Variants in SPSB4 observed in about 807,000 individuals in gnomAD.
SPSB4 encodes the protein splA/ryanodine receptor domain and SOCS box containing 4.
In SPSB4, 21 loss-of-function variants were observed where a neutral mutation model predicts 20.9. The ratio of observed to expected loss-of-function variants is 1.01; its 90% CI spans 0.71 to 1.45. The LOEUF (loss-of-function observed/expected upper bound fraction) is 1.45, where lower values mean the gene tolerates loss of function less well. Ranked by LOEUF, SPSB4 falls within the 40% of genes most tolerant of loss-of-function variation. The pLI is 0.00. For missense variants in SPSB4, 399 were observed against 399.2 expected, an observed-to-expected ratio of 1.00 and a Z score of 0.00; for synonymous variants, 207 against 183.8, an observed-to-expected ratio of 1.13 and a Z score of -1.02.
At chr3:141,101,993 G>A (rs73871717) in intron 2 of SPSB4, among the ~76,000 whole-genome samples, 1,633 of 152,280 alleles carry the variant, frequency 0.011, 33 homozygotes, top group African/African-American at 0.037. Flanking sequence ...CCCACATTTC[G>A]TGCCTTTCCA....
At chr3:141,137,430 C>G (rs943682710) in intron 2 of SPSB4, among the ~76,000 whole-genome samples, 2 of 152,152 alleles carry the variant, frequency 1.3e-5, no homozygotes, top group African/African-American at 4.8e-5. Flanking sequence ...AAAGGGAATG[C>G]TTCCAGTTTT....
chr3:141,140,682 T>A (rs1488966504), intron 2 of SPSB4, among the ~76,000 whole-genome samples: 1 of 152,188 alleles, frequency 6.6e-6, no homozygotes, highest in Non-Finnish European at 1.5e-5. Context: ...GCCTGATTGT[T>A]CCTTGGGAAG....
At chr3:141,091,842 C>A (rs939210820) in intron 2 of SPSB4, among the ~76,000 whole-genome samples, 4 of 152,066 alleles carry the variant, frequency 2.6e-5, no homozygotes, top group African/African-American at 9.7e-5. Context: ...AGGCTGCAAC[C>A]TACAGAGGTG....
intron 1 of SPSB4, among the ~76,000 whole-genome samples, chr3:141,058,603 GA>G (rs1431076178): frequency 1.3e-5 from 2 of 152,154 alleles, no homozygotes; most frequent in Non-Finnish European, 2.9e-5. Flanking sequence ...GAGGAGAGGA[GA>G]AATGTGCTAA....
chr3:141,118,313 T>C (rs541470676), intron 2 of SPSB4, among the ~76,000 whole-genome samples: 7 of 152,382 alleles, frequency 4.6e-5, no homozygotes, highest in Admixed American at 1.3e-4. Context: ...TGTCTCTTTA[T>C]AGCCTTTGCC....
At chr3:141,083,926 C>CAGGG (rs1355320797) in intron 2 of SPSB4, among the ~76,000 whole-genome samples, 1 of 152,058 alleles carries the variant, frequency 6.6e-6, no homozygotes, top group Non-Finnish European at 1.5e-5. Context: ...GGAGGCCCTG[C>CAGGG]AGGGTAGAGG....
At chr3:141,113,087 G>C (rs1477568134) in intron 2 of SPSB4, among the ~76,000 whole-genome samples, 1 of 152,174 alleles carries the variant, frequency 6.6e-6, no homozygotes, top group African/African-American at 2.4e-5. Context: ...CCAAACCACA[G>C]TGAGATGCCA....
At chr3:141,135,361 T>G (rs1456080687) in intron 2 of SPSB4, among the ~76,000 whole-genome samples, 3 of 151,450 alleles carry the variant, frequency 2.0e-5, no homozygotes, top group Non-Finnish European at 4.4e-5. Context: ...TTATTATTAT[T>G]ATACCTTAAG....
Position 141,066,374 on chromosome 3 carries a change from G to C in SPSB4, c.270G>C (p.Lys90Asn). 1 of 1,551,130 alleles carries C rather than the reference G, an allele frequency of 6.4e-7. No homozygotes were observed. The highest frequency in any genetic ancestry group is 8.7e-7 in the Non-Finnish European group (1 of 1,149,592). ...AGAGCACCGACGGCATCCGCGGCAA[G>C]GTGGGCCACGCCCGCGGCCTGCACG... is the stretch of plus-strand genomic sequence containing the variant. ...VAQSTDGIRG[K>N]VGHARGLHAW... Residue 90 changes from lysine (K) to asparagine (N), a missense_variant, in exon 2 of 3, where the codon AAG becomes AAC. Physicochemically the swap from Lys to Asn is moderately conservative, Grantham distance 94 (BLOSUM62 0). Coordinates refer to ENST00000310546, the MANE Select transcript of SPSB4 (RefSeq NM_080862.3).
chr3:141,066,752 G>T lies in SPSB4; in HGVS notation c.648G>T (p.Val216=), dbSNP rs756963555. The T allele has an allele frequency of 5.0e-6, 8 of 1,591,662 alleles. No individual in the cohort carries two copies. The highest frequency in any genetic ancestry group is 6.9e-6 in the Non-Finnish European group (8 of 1,167,774). The change falls in exon 2 of 3, where the codon GTG becomes GTT. Residue 216 remains valine (V), a synonymous_variant. Coordinates refer to ENST00000310546, the MANE Select transcript of SPSB4 (RefSeq NM_080862.3). ...GKKLYPVVSA[V]WGHCEVTMRY... ...AGCTGTACCCGGTGGTGAGTGCCGT[G>T]TGGGGCCACTGTGAAGTCACCATGC...
chr3:141,066,183 CG>C lies in SPSB4; in HGVS notation c.83del (p.Gly28ValfsTer87). On this transcript the variant is annotated frameshift_variant, in exon 2 of 3. Coordinates refer to ENST00000310546, the MANE Select transcript of SPSB4 (RefSeq NM_080862.3). LOFTEE classifies it high-confidence loss of function. ...GCTGCGGCCGGCCAAGCGGGAGCTG[CG>C]GGGTGCAGAGCCCGGGCGGCCGGCG... The part of the protein sequence containing the change: ...PALRPAKREL[R>X]GAEPGRPARL... 4 of 1,533,200 alleles carry C rather than the reference CG, an allele frequency of 2.6e-6. No homozygotes were observed. Among genetic ancestry groups the C allele is most frequent in the Non-Finnish European group, 3.5e-6 (4 of 1,141,908 alleles). 95.0% of individuals were successfully genotyped at this position (1,533,200 alleles called of 1,614,324 possible). A position where few individuals can be genotyped will look rare whatever the true frequency, so the allele number is the denominator to read the frequency against.
At chr3:141,111,607 C>G (rs549271852) in intron 2 of SPSB4, among the ~76,000 whole-genome samples, 18 of 152,010 alleles carry the variant, frequency 1.2e-4, no homozygotes, top group South Asian at 6.2e-4. Flanking sequence ...GGGAACACTC[C>G]AGTTTGCACA....
At chr3:141,109,733 G>A (rs1404405210) in intron 2 of SPSB4, among the ~76,000 whole-genome samples, 1 of 151,648 alleles carries the variant, frequency 6.6e-6, no homozygotes, top group African/African-American at 2.4e-5. Context: ...CCCCACCCTG[G>A]TCCCAGCAAC....
chr3:141,110,489 T>C (rs1050513805), intron 2 of SPSB4, among the ~76,000 whole-genome samples: 3 of 152,220 alleles, frequency 2.0e-5, no homozygotes, highest in African/African-American at 7.2e-5. Flanking sequence ...AAGGAAACTA[T>C]ACCAGTCAGG....
intron 1 of SPSB4, among the ~76,000 whole-genome samples, chr3:141,065,516 GACCT>G (rs1171199350): frequency 1.3e-5 from 2 of 152,210 alleles, no homozygotes; most frequent in South Asian, 2.1e-4. Context: ...TCCAGGCTCT[GACCT>G]TGAGCAAGTC....
intron 2 of SPSB4, 75 bp from the exon 3 acceptor site, chr3:141,147,066 GT>G: frequency 6.3e-7 from 1 of 1,586,244 alleles, no homozygotes; most frequent in Non-Finnish European, 8.6e-7. Flanking sequence ...GCAGGAGGCG[GT>G]ATGCAGTGGG....
At chr3:141,088,447 C>A (rs1264614742) in intron 2 of SPSB4, among the ~76,000 whole-genome samples, 1 of 152,238 alleles carries the variant, frequency 6.6e-6, no homozygotes, top group Non-Finnish European at 1.5e-5. Context: ...CCTCTATCCC[C>A]ACTTCCTAGC....
intron 2 of SPSB4, chr3:141,123,948 T>C (rs1382813597): frequency 6.6e-6 from 1 of 152,300 alleles, no homozygotes; most frequent in Non-Finnish European, 1.5e-5. Context: ...TTAAGCTGAG[T>C]TAGGAGTATC....
At chr3:141,121,005 T>C (rs372090455) in intron 2 of SPSB4, among the ~76,000 whole-genome samples, 1,774 of 135,904 alleles carry the variant, frequency 0.013, 28 homozygotes, top group Middle Eastern at 0.062. Flanking sequence ...TCTTCCTAGC[T>C]TCGATGCTCT....
Sources: allele counts gnomAD v4.1 joint callset (sites outside exome capture counted in the v4.1 genomes callset), GRCh38; gene constraint gnomAD v4.1.1; transcripts MANE v1.5; gene names NCBI Gene and HGNC (gene_info 2026-07-23, HGNC 2026-07-21).